The following PDE4D variants were observed in gnomAD, a reference collection of about 807,000 sequenced individuals.
PDE4D encodes the protein 3',5'-cyclic-AMP phosphodiesterase 4D.
In PDE4D, 24 loss-of-function variants were observed where a neutral mutation model predicts 87.4. The observed-to-expected ratio is 0.27, with a 90% CI of 0.20 to 0.39. The LOEUF (loss-of-function observed/expected upper bound fraction) is 0.39, where lower values mean the gene tolerates loss of function less well. Among genes scored for constraint, PDE4D ranks in the 10% least tolerant of loss-of-function variants. The pLI is 1.00. For synonymous variants in PDE4D, 384 were observed against 383.2 expected (o/e 1.00, Z -0.02); for missense variants, 714 against 1,041.0 (o/e 0.69, Z 4.32).
intron 1 of PDE4D, among the ~76,000 whole-genome samples, chr5:59,811,566 C>G (rs1006587971): frequency 6.6e-6 from 1 of 152,192 alleles, no homozygotes; most frequent in African/African-American, 2.4e-5. Context: ...TGACTCTCAG[C>G]CTCTCTCCAT....
chr5:59,395,140 G>T (rs112830412), intron 1 of PDE4D, among the ~76,000 whole-genome samples: 1 of 151,028 alleles, frequency 6.6e-6, no homozygotes, highest in Non-Finnish European at 1.5e-5. Flanking sequence ...GCAAGGCAGC[G>T]GCGAGGCTGG....
At chr5:59,472,686 A>G (rs944233048) in intron 1 of PDE4D, among the ~76,000 whole-genome samples, 34 of 152,182 alleles carry the variant, frequency 2.2e-4, no homozygotes, top group African/African-American at 8.2e-4. Flanking sequence ...CTTTGAAATT[A>G]AGATTATAAG....
At chr5:59,835,967 G>A (rs1741963257) in intron 1 of PDE4D, among the ~76,000 whole-genome samples, 3 of 152,042 alleles carry the variant, frequency 2.0e-5, no homozygotes, top group African/African-American at 7.2e-5. Context: ...ATCACTTTGT[G>A]TTGTATGACT....
chr5:59,450,557 T>A (rs897984403), intron 1 of PDE4D, among the ~76,000 whole-genome samples: 1 of 152,170 alleles, frequency 6.6e-6, no homozygotes, highest in Non-Finnish European at 1.5e-5. Flanking sequence ...GCACACATTT[T>A]TAAATTCTAA....
chr5:60,368,070 T>C (rs541214209), intron 1 of PDE4D, among the ~76,000 whole-genome samples: 26 of 152,244 alleles, frequency 1.7e-4, no homozygotes, highest in African/African-American at 6.0e-4. Flanking sequence ...TGCTCTACAA[T>C]TCCCTGGTTT....
intron 5 of PDE4D, among the ~76,000 whole-genome samples, chr5:59,094,529 G>A (rs1194943207): frequency 6.6e-6 from 1 of 152,024 alleles, no homozygotes; most frequent in African/African-American, 2.4e-5. Context: ...TCTCTGGAGT[G>A]AAAAGGTCTA....
At chr5:58,977,376 C>CA in intron 11 of PDE4D, 31 bp from the exon 12 acceptor site, 2 of 1,583,794 alleles carry the variant, frequency 1.3e-6, no homozygotes. Flanking sequence ...CAAAGATCAG[C>CA]AAAACTGTTT....
At chr5:59,936,017 C>A (rs549257543) in intron 3 of PDE4D, among the ~76,000 whole-genome samples, 177 of 152,232 alleles carry the variant, frequency 1.2e-3, no homozygotes, top group African/African-American at 4.0e-3. Flanking sequence ...TTCTAGATCC[C>A]TGAGGAATTG....
At chr5:59,524,905 T>C (rs1582979485) in intron 1 of PDE4D, among the ~76,000 whole-genome samples, 1 of 152,202 alleles carries the variant, frequency 6.6e-6, no homozygotes, top group South Asian at 2.1e-4. Context: ...AGTCAAGAAC[T>C]GAGGTTTGGG....
In PDE4D at chr5:59,521,946, C is replaced by T. The variant is rs80327413; in HGVS notation, c.456-305978G>A. Among the ~76,000 whole-genome samples, 685 of 151,890 alleles carry T rather than the reference C, an allele frequency of 4.5e-3. 3 individuals are homozygous for T. Among genetic ancestry groups the T allele is most frequent in the African/African-American group, 0.015 (632 of 41,384 alleles). On this transcript the variant is annotated intron_variant, in intron 1 of 14. Coordinates refer to ENST00000340635, the MANE Select transcript of PDE4D (RefSeq NM_001104631.2). ...AACATGAAGATAAAAAGATAGTAGC[C>T]GACAATTATTGAGAATGAAAGGGTT...
chr5:60,043,510 C>T (rs957349185), intron 2 of PDE4D, among the ~76,000 whole-genome samples: 3 of 151,982 alleles, frequency 2.0e-5, no homozygotes, highest in Middle Eastern at 3.4e-3. Flanking sequence ...TCACCAAGGT[C>T]GAAATGGAGG....
At chr5:59,080,646 C>G (rs973393882) in intron 5 of PDE4D, among the ~76,000 whole-genome samples, 4 of 152,110 alleles carry the variant, frequency 2.6e-5, no homozygotes, top group African/African-American at 7.2e-5. Flanking sequence ...AAACGGGGGC[C>G]CCAAACTTCT....
At chr5:59,441,876 G>A (rs1445336709) in intron 1 of PDE4D, among the ~76,000 whole-genome samples, 1 of 152,122 alleles carries the variant, frequency 6.6e-6, no homozygotes, top group African/African-American at 2.4e-5. Flanking sequence ...TTGATTGGAT[G>A]AACGGTCTTC....
At chr5:59,840,669 CAG>C (rs1242245124) in intron 1 of PDE4D, among the ~76,000 whole-genome samples, 1 of 152,138 alleles carries the variant, frequency 6.6e-6, no homozygotes, top group Admixed American at 6.5e-5. Flanking sequence ...GACCGCCACA[CAG>C]AAGAGGGTGT....
chr5:59,038,802 C>A, intron 6 of PDE4D, 57 bp downstream of exon 6: 1 of 1,401,994 alleles, frequency 7.1e-7, no homozygotes, highest in East Asian at 2.8e-5. Flanking sequence ...ACCAGTGGCT[C>A]GCCGGCATGG....
chr5:59,089,680 A>G (rs1257188396), intron 5 of PDE4D, among the ~76,000 whole-genome samples: 1 of 152,156 alleles, frequency 6.6e-6, no homozygotes, highest in Non-Finnish European at 1.5e-5. Context: ...TAAAAGGACC[A>G]CTAGACTAAT....
At chr5:60,406,517 A>C (rs905949795) in intron 1 of PDE4D, among the ~76,000 whole-genome samples, 1 of 152,210 alleles carries the variant, frequency 6.6e-6, no homozygotes, top group African/African-American at 2.4e-5. Context: ...ATTGATATAT[A>C]GTCCTCAGCA....
At chr5:59,726,795 A>T (rs1414881288) in intron 1 of PDE4D, among the ~76,000 whole-genome samples, 2 of 152,158 alleles carry the variant, frequency 1.3e-5, no homozygotes, top group African/African-American at 2.4e-5. Flanking sequence ...AGTTCTTCTT[A>T]TTCATAAACA....
At chr5:60,004,687 T>C (rs548687774) in intron 2 of PDE4D, among the ~76,000 whole-genome samples, 2 of 152,240 alleles carry the variant, frequency 1.3e-5, no homozygotes, top group South Asian at 2.1e-4. Flanking sequence ...TCTCCAAAGA[T>C]GACATACAAA....
Sources: allele counts gnomAD v4.1 joint callset (sites outside exome capture counted in the v4.1 genomes callset), GRCh38; gene constraint gnomAD v4.1.1; transcripts MANE v1.5; gene names NCBI Gene and HGNC (gene_info 2026-07-23, HGNC 2026-07-21).